Variants in GAS7 observed in about 807,000 individuals in gnomAD.
The protein encoded by GAS7 is growth arrest-specific protein 7.
In GAS7, 28 loss-of-function variants were observed where a neutral mutation model predicts 71.1. The observed-to-expected ratio is 0.39, with a 90% CI of 0.29 to 0.54. The LOEUF (loss-of-function observed/expected upper bound fraction) is 0.54. GAS7 is among the 20% of genes least tolerant of loss of function. The pLI is 0.62. For missense variants in GAS7, 436 were observed against 627.8 expected, an observed-to-expected ratio of 0.69 and a Z score of 3.27; for synonymous variants, 258 against 245.8, an observed-to-expected ratio of 1.05 and a Z score of -0.46.
chr17:10,092,679 G>C (rs771142120), intron 1 of GAS7, among the ~76,000 whole-genome samples: 3 of 152,320 alleles, frequency 2.0e-5, no homozygotes, highest in South Asian at 2.1e-4. Context: ...TCTGAGGTCA[G>C]AAGTCCAAAA....
intron 1 of GAS7, among the ~76,000 whole-genome samples, chr17:10,069,019 G>C (rs569566292): frequency 2.6e-4 from 40 of 152,242 alleles, no homozygotes; most frequent in African/African-American, 7.9e-4. Flanking sequence ...GGCATCCCCT[G>C]CCTAGCACAA....
intron 2 of GAS7, among the ~76,000 whole-genome samples, chr17:9,997,015 G>A (rs1200167827): frequency 6.6e-6 from 1 of 152,038 alleles, no homozygotes; most frequent in Non-Finnish European, 1.5e-5. Context: ...ACAAAACTTG[G>A]TGTAGGAACA....
At chr17:10,001,621 G>T (rs1297881846) in intron 2 of GAS7, among the ~76,000 whole-genome samples, 1 of 152,154 alleles carries the variant, frequency 6.6e-6, no homozygotes, top group Non-Finnish European at 1.5e-5. Flanking sequence ...TTTTAGAGAT[G>T]GGGGAATTGC....
Position 9,980,818 on chromosome 17 carries a change from G to C in GAS7, c.385+986C>G, listed in dbSNP as rs369287119. Among the ~76,000 whole-genome samples the C allele has an allele frequency of 1.5e-4, 23 of 152,332 alleles. No individual in the cohort carries two copies. In the South Asian group the frequency reaches 4.6e-3, roughly 30 times the overall value. Reference sequence around the variant, plus strand: ...CATGCGGCTGAGATCTAAAGTGACTGCATGAGGGCTCAAAATTGAGTGGTC... The same window carrying C: ...CATGCGGCTGAGATCTAAAGTGACTCCATGAGGGCTCAAAATTGAGTGGTC... On this transcript the variant is annotated intron_variant, in intron 3 of 13. Transcript: ENST00000432992.
chr17:9,991,694 G>A (rs994948750), intron 2 of GAS7, among the ~76,000 whole-genome samples: 9 of 152,172 alleles, frequency 5.9e-5, no homozygotes, highest in East Asian at 5.8e-4. Flanking sequence ...GCGTAGACCC[G>A]TGCAAACACA....
intron 1 of GAS7, among the ~76,000 whole-genome samples, chr17:10,020,430 T>C (rs1326645887): frequency 1.3e-5 from 2 of 152,166 alleles, no homozygotes; most frequent in African/African-American, 4.8e-5. Flanking sequence ...TCGCCAAGGG[T>C]CCAGATCACT....
intron 1 of GAS7, among the ~76,000 whole-genome samples, chr17:10,153,634 T>C (rs535357114): frequency 6.6e-6 from 1 of 152,310 alleles, no homozygotes; most frequent in Admixed American, 6.5e-5. Flanking sequence ...TAAATTAGTA[T>C]TGTTCTTTTA....
intron 4 of GAS7, among the ~76,000 whole-genome samples, chr17:9,962,309 G>A (rs1015544194): frequency 3.3e-5 from 5 of 151,906 alleles, no homozygotes; most frequent in African/African-American, 1.2e-4. Context: ...AAAGGGCCCA[G>A]AAGGAATGAC....
chr17:10,046,429 T>A (rs1179598589), intron 1 of GAS7, among the ~76,000 whole-genome samples: 21 of 145,188 alleles, frequency 1.4e-4, no homozygotes, highest in African/African-American at 5.3e-4. Flanking sequence ...ATGAGGCCAA[T>A]GAAGGAAATG....
intron 2 of GAS7, among the ~76,000 whole-genome samples, chr17:9,989,130 C>T (rs889564582): frequency 4.6e-5 from 7 of 151,970 alleles, no homozygotes; most frequent in African/African-American, 7.2e-5. Context: ...ACTACGCGCC[C>T]GGCCCATTTC....
chr17:10,048,495 C>T (rs528070660), intron 1 of GAS7, among the ~76,000 whole-genome samples: 2 of 152,314 alleles, frequency 1.3e-5, no homozygotes, highest in South Asian at 2.1e-4. Context: ...TGCTCTATCA[C>T]GGTGCATACA....
At chr17:10,149,176 C>A (rs893391058) in intron 1 of GAS7, among the ~76,000 whole-genome samples, 2 of 152,128 alleles carry the variant, frequency 1.3e-5, no homozygotes, top group Non-Finnish European at 2.9e-5. Flanking sequence ...GATCTTGGCT[C>A]ACTTCAACCT....
intron 1 of GAS7, among the ~76,000 whole-genome samples, chr17:10,190,444 G>A (rs149680263): frequency 2.0e-4 from 31 of 152,034 alleles, no homozygotes; most frequent in Admixed American, 3.9e-4. Flanking sequence ...TTAGCCGGGC[G>A]TGGTGGTGCG....
intron 1 of GAS7, among the ~76,000 whole-genome samples, chr17:10,106,631 C>A (rs1015697997): frequency 1.3e-5 from 2 of 152,186 alleles, no homozygotes; most frequent in African/African-American, 4.8e-5. Flanking sequence ...CACCCACACA[C>A]CCTTCCCAGC....
At chr17:9,924,365 G>A (rs745441736) in intron 11 of GAS7, among the ~76,000 whole-genome samples, 15 of 152,102 alleles carry the variant, frequency 9.9e-5, no homozygotes, top group Non-Finnish European at 2.2e-4. Context: ...TTGTAGAGAT[G>A]AGGTACTATG....
chr17:10,082,872 G>A (rs1051392961), intron 1 of GAS7, among the ~76,000 whole-genome samples: 1 of 152,190 alleles, frequency 6.6e-6, no homozygotes, highest in African/African-American at 2.4e-5. Context: ...CTGTGCAAAA[G>A]AAGCCACATT....
chr17:10,091,075 C>T (rs922416855), intron 1 of GAS7, among the ~76,000 whole-genome samples: 7 of 152,178 alleles, frequency 4.6e-5, no homozygotes, highest in South Asian at 2.1e-4. Flanking sequence ...GCCCAGGGCT[C>T]CTGCTCCCCT....
chr17:9,929,111 C>T (rs1329408077), intron 9 of GAS7, among the ~76,000 whole-genome samples: 4 of 152,128 alleles, frequency 2.6e-5, no homozygotes, highest in East Asian at 1.9e-4. Context: ...CCCTTTCCCA[C>T]GTATATAGGT....
intron 9 of GAS7, among the ~76,000 whole-genome samples, chr17:9,929,674 T>G (rs1288423744): frequency 6.6e-6 from 1 of 152,106 alleles, no homozygotes; most frequent in Non-Finnish European, 1.5e-5. Context: ...AGACGGGGTT[T>G]CACCATGTTA....
Sources: allele counts gnomAD v4.1 joint callset (sites outside exome capture counted in the v4.1 genomes callset), GRCh38; gene constraint gnomAD v4.1.1; transcripts MANE v1.5; gene names NCBI Gene and HGNC (gene_info 2026-07-23, HGNC 2026-07-21).